Variants in RGS6 observed in about 807,000 individuals in gnomAD.
RGS6 encodes the protein regulator of G-protein signaling 6.
RGS6 carries 30 observed loss-of-function variants against 78.5 expected under a neutral mutation model. The ratio of observed to expected loss-of-function variants is 0.38; its 90% CI spans 0.29 to 0.52. The LOEUF (loss-of-function observed/expected upper bound fraction) is 0.52. Ranked by LOEUF, RGS6 falls within the 20% of genes least tolerant of loss-of-function variation. RGS6 has a pLI of 0.85. For missense variants in RGS6, 495 were observed against 609.7 expected, an observed-to-expected ratio of 0.81 and a Z score of 1.98; for synonymous variants, 206 against 206.0, an observed-to-expected ratio of 1.00 and a Z score of 0.00.
chr14:72,061,542 CTG>C (rs2093894788), intron 2 of RGS6, among the ~76,000 whole-genome samples: 1 of 152,036 alleles, frequency 6.6e-6, no homozygotes, highest in South Asian at 2.1e-4. Context: ...GAGTATATTC[CTG>C]AGACCCTGGT....
chr14:72,025,272 A>G (rs1173832526), intron 2 of RGS6, among the ~76,000 whole-genome samples: 1 of 150,740 alleles, frequency 6.6e-6, no homozygotes, highest in Non-Finnish European at 1.5e-5. Flanking sequence ...TCAGCATCCA[A>G]TAGTCCCCTT....
intron 13 of RGS6, among the ~76,000 whole-genome samples, chr14:72,505,433 A>G (rs7150695): frequency 0.083 from 12,654 of 152,212 alleles, 711 homozygotes; most frequent in Middle Eastern, 0.17. Flanking sequence ...TACTAATCCC[A>G]CTCATGACCT....
intron 2 of RGS6, among the ~76,000 whole-genome samples, chr14:72,330,016 T>C (rs965850062): frequency 6.6e-6 from 1 of 152,248 alleles, no homozygotes; most frequent in African/African-American, 2.4e-5. Context: ...GATGGCATCA[T>C]GTCCATTTTT....
chr14:72,444,402 C>T (rs973007453), intron 3 of RGS6, among the ~76,000 whole-genome samples: 1 of 152,168 alleles, frequency 6.6e-6, no homozygotes, highest in African/African-American at 2.4e-5. Context: ...TGGGGGAGAA[C>T]AGTGGCCAAG....
rs1264287560 is a variant in RGS6, at chr14:72,425,708, T to G, written c.185-28820T>G. Among the ~76,000 whole-genome samples, 4 of 152,190 alleles carry G rather than the reference T, an allele frequency of 2.6e-5. No homozygotes were observed. In the East Asian group the frequency reaches 7.7e-4, roughly 29 times the overall value. On this transcript the variant is annotated intron_variant, in intron 3 of 17. Transcript: ENST00000553525. The stretch of plus-strand genomic sequence containing the variant: ...GTACGTACTTTCAAAGGGAGGATAA[T>G]TTGGTTCAACATGTTTTGAAAGCTG...
intron 2 of RGS6, among the ~76,000 whole-genome samples, chr14:72,225,431 C>T (rs1433825650): frequency 6.6e-6 from 1 of 152,164 alleles, no homozygotes; most frequent in African/African-American, 2.4e-5. Flanking sequence ...TCAGGTGATC[C>T]TCCTACCTCA....
intron 4 of RGS6, among the ~76,000 whole-genome samples, chr14:72,456,025 G>A (rs913178733): frequency 3.3e-5 from 5 of 152,192 alleles, no homozygotes; most frequent in African/African-American, 1.2e-4. Context: ...GAATCCTCCA[G>A]CCCTGGCGTG....
chr14:72,055,241 C>G (rs374315682), intron 2 of RGS6, among the ~76,000 whole-genome samples: 9 of 152,300 alleles, frequency 5.9e-5, no homozygotes, highest in Admixed American at 4.6e-4. Context: ...TCCATTTACA[C>G]TTCCACCAGA....
chr14:72,336,534 A>T (rs2529475), intron 2 of RGS6, among the ~76,000 whole-genome samples: 2 of 141,800 alleles, frequency 1.4e-5, no homozygotes, highest in South Asian at 2.2e-4. Context: ...AGAGAGAGAG[A>T]GCGCGCATAG....
chr14:72,549,266 C>CT (rs2153528558), intron 17 of RGS6, among the ~76,000 whole-genome samples: 1 of 151,194 alleles, frequency 6.6e-6, no homozygotes, highest in South Asian at 2.1e-4. Context: ...TTGGCATTTG[C>CT]TGCCGCAGCA....
At chr14:72,423,500 A>G (rs1342012745) in intron 3 of RGS6, among the ~76,000 whole-genome samples, 1 of 152,212 alleles carries the variant, frequency 6.6e-6, no homozygotes, top group South Asian at 2.1e-4. Flanking sequence ...CATGAAAAGG[A>G]TAAAGTCGTA....
chr14:72,239,551 C>T (rs1317990595), intron 2 of RGS6, among the ~76,000 whole-genome samples: 3 of 152,162 alleles, frequency 2.0e-5, no homozygotes, highest in Non-Finnish European at 4.4e-5. Flanking sequence ...AGAGCCTTCT[C>T]CTGCCCCGCT....
intron 3 of RGS6, among the ~76,000 whole-genome samples, chr14:72,435,142 G>A (rs1005264088): frequency 2.6e-5 from 4 of 152,194 alleles, no homozygotes; most frequent in African/African-American, 4.8e-5. Context: ...TGCCCTAAAC[G>A]TAATTGGAAT....
At chr14:72,425,897 G>A (rs1012651204) in intron 3 of RGS6, among the ~76,000 whole-genome samples, 2 of 152,168 alleles carry the variant, frequency 1.3e-5, no homozygotes, top group Non-Finnish European at 1.5e-5. Context: ...GCTAAAGGAA[G>A]TGATACGCTA....
chr14:72,013,288 A>C lies in RGS6; in HGVS notation c.84+48413A>C, dbSNP rs868471473. On this transcript the variant is annotated intron_variant, in intron 2 of 17. Coordinates refer to ENST00000553525, the MANE Select transcript of RGS6 (RefSeq NM_001204424.2). ...TCCGTCTCCAAAAAAAAAAAAAAAAAAAAAAACAACAACAACCATAAAATA... is the reference window on the plus strand; with the variant it reads ...TCCGTCTCCAAAAAAAAAAAAAAAACAAAAAACAACAACAACCATAAAATA... Among the ~76,000 whole-genome samples, 16 of 151,192 alleles carry C rather than the reference A, an allele frequency of 1.1e-4. No individual in the cohort carries two copies. In the South Asian group the frequency reaches 2.3e-3, roughly 22 times the overall value.
At chr14:72,330,362 G>A (rs565487193) in intron 2 of RGS6, among the ~76,000 whole-genome samples, 3 of 152,318 alleles carry the variant, frequency 2.0e-5, no homozygotes, top group East Asian at 3.9e-4. Flanking sequence ...CTGAGCATCT[G>A]TCATTTGGGT....
intron 2 of RGS6, among the ~76,000 whole-genome samples, chr14:72,029,772 A>C (rs917215216): frequency 2.0e-5 from 3 of 152,214 alleles, no homozygotes; most frequent in African/African-American, 7.2e-5. Context: ...AAAATAAAGA[A>C]GATCTTGGAC....
intron 2 of RGS6, among the ~76,000 whole-genome samples, chr14:72,226,651 C>A (rs532086868): frequency 6.6e-6 from 1 of 152,284 alleles, no homozygotes; most frequent in South Asian, 2.1e-4. Flanking sequence ...TATCCTGAAT[C>A]GGAATCTTCA....
At position 71,970,427 on chromosome 14, in the gene RGS6, G is replaced by C. The variant is rs180894617; in HGVS notation, c.84+5552G>C. ...TGATTTAGGGCCCTTGAAGTCCTGG[G>C]CAGTTGTTGGTTTAGGCATACATCC... On this transcript the variant is annotated intron_variant, in intron 2 of 17. Coordinates refer to ENST00000553525, the MANE Select transcript of RGS6 (RefSeq NM_001204424.2). Among the ~76,000 whole-genome samples the C allele has an allele frequency of 6.6e-5, 10 of 152,250 alleles. No individual in the cohort carries two copies. In the East Asian group the frequency reaches 1.2e-3, roughly 18 times the overall value.
Sources: allele counts gnomAD v4.1 joint callset (sites outside exome capture counted in the v4.1 genomes callset), GRCh38; gene constraint gnomAD v4.1.1; transcripts MANE v1.5; gene names NCBI Gene and HGNC (gene_info 2026-07-23, HGNC 2026-07-21).